The following ASAP1 variants were observed in gnomAD, a reference collection of about 807,000 sequenced individuals.
The protein encoded by ASAP1 is ArfGAP with SH3 domain, ankyrin repeat and PH domain 1, also known as arf-GAP with SH3 domain, ANK repeat and PH domain-containing protein 1.
A neutral mutation model predicts 145.2 loss-of-function variants in ASAP1; 43 were observed. The ratio of observed to expected loss-of-function variants is 0.30; its 90% CI spans 0.23 to 0.38. The LOEUF (loss-of-function observed/expected upper bound fraction) is 0.38. Ranked by LOEUF, ASAP1 falls within the 10% of genes least tolerant of loss-of-function variation. The pLI, the probability that ASAP1 is intolerant of heterozygous loss-of-function variation, is 1.00. For missense variants in ASAP1, 1,018 were observed against 1,355.3 expected, an observed-to-expected ratio of 0.75 and a Z score of 3.91; for synonymous variants, 546 against 515.5, an observed-to-expected ratio of 1.06 and a Z score of -0.80.
intron 5 of ASAP1, among the ~76,000 whole-genome samples, chr8:130,203,445 C>A (rs1192827882): frequency 6.6e-6 from 1 of 152,290 alleles, no homozygotes; most frequent in East Asian, 1.9e-4. Context: ...GAAAAAAGCA[C>A]CAGGCTGGGC....
chr8:130,056,780 C>T (rs1233024474), intron 29 of ASAP1, among the ~76,000 whole-genome samples: 1 of 152,224 alleles, frequency 6.6e-6, no homozygotes, highest in Non-Finnish European at 1.5e-5. Flanking sequence ...CTGAGTCCCT[C>T]TTGGCAGGAC....
intron 13 of ASAP1, 29 bp downstream of exon 13, chr8:130,152,707 A>G: frequency 6.4e-7 from 1 of 1,572,586 alleles, no homozygotes; most frequent in Non-Finnish European, 8.7e-7. Context: ...CTGGCCCATG[A>G]GGCAGGGTAA....
chr8:130,396,109 A>C (rs1258336370), intron 2 of ASAP1, among the ~76,000 whole-genome samples: 1 of 152,204 alleles, frequency 6.6e-6, no homozygotes, highest in Non-Finnish European at 1.5e-5. Context: ...GCTTGCACAG[A>C]CCCTGGCACT....
intron 2 of ASAP1, among the ~76,000 whole-genome samples, chr8:130,378,955 T>A (rs1162754458): frequency 6.6e-6 from 1 of 152,164 alleles, no homozygotes; most frequent in African/African-American, 2.4e-5. Flanking sequence ...AAAAATAGAT[T>A]TGGTCTTTGT....
At chr8:130,116,155 A>G (rs1564976874) in intron 22 of ASAP1, among the ~76,000 whole-genome samples, 2 of 152,216 alleles carry the variant, frequency 1.3e-5, no homozygotes, top group South Asian at 4.1e-4. Context: ...AAAAGGCCCA[A>G]CTGGTGGGCC....
At chr8:130,185,916 A>G (rs1470574354) in intron 7 of ASAP1, among the ~76,000 whole-genome samples, 1 of 152,142 alleles carries the variant, frequency 6.6e-6, no homozygotes, top group African/African-American at 2.4e-5. Flanking sequence ...TAAAAAATAT[A>G]AATAAAGTTG....
intron 3 of ASAP1, among the ~76,000 whole-genome samples, chr8:130,287,058 G>A (rs1821659593): frequency 6.6e-6 from 1 of 152,196 alleles, no homozygotes; most frequent in Non-Finnish European, 1.5e-5. Flanking sequence ...GAGAGGAGCA[G>A]TTAGAGCATT....
At chr8:130,395,423 T>C (rs1828481256) in intron 2 of ASAP1, among the ~76,000 whole-genome samples, 1 of 152,180 alleles carries the variant, frequency 6.6e-6, no homozygotes, top group Admixed American at 6.5e-5. Context: ...AGAAGGGCAG[T>C]CCCGCAATCC....
chr8:130,150,308 C>A (rs1352423747), intron 13 of ASAP1, among the ~76,000 whole-genome samples: 1 of 152,042 alleles, frequency 6.6e-6, no homozygotes, highest in East Asian at 1.9e-4. Flanking sequence ...TGTGTTTTGG[C>A]AGGAATAAAA....
chr8:130,211,026 A>C (rs1816546769), intron 5 of ASAP1, among the ~76,000 whole-genome samples: 1 of 152,206 alleles, frequency 6.6e-6, no homozygotes, highest in Non-Finnish European at 1.5e-5. Flanking sequence ...AGTTAAGTGA[A>C]TTGCCAAAGG....
intron 4 of ASAP1, among the ~76,000 whole-genome samples, chr8:130,224,811 C>T (rs768916179): frequency 4.6e-5 from 7 of 152,188 alleles, no homozygotes; most frequent in South Asian, 2.1e-4. Context: ...AGCTCTTACA[C>T]GCTGTTACTT....
chr8:130,107,519 T>A (rs2097539294), intron 24 of ASAP1, among the ~76,000 whole-genome samples: 4 of 26,846 alleles, frequency 1.5e-4, no homozygotes, highest in Non-Finnish European at 2.7e-4. Flanking sequence ...TTAAAAAATG[T>A]ATGTATGTAT....
intron 7 of ASAP1, among the ~76,000 whole-genome samples, chr8:130,185,749 GAAAAAGAAAAAGAAAA>G (rs1438575503): frequency 4.1e-5 from 5 of 121,974 alleles, no homozygotes; most frequent in Admixed American, 1.6e-4. Flanking sequence ...AAAAAAAAAA[GAAAAAGAAAAAGAAAA>G]AAAAAGAAAA....
chr8:130,154,066 G>T (rs1317264993), intron 12 of ASAP1, among the ~76,000 whole-genome samples: 1 of 152,110 alleles, frequency 6.6e-6, no homozygotes, highest in Non-Finnish European at 1.5e-5. Context: ...AGTAACTCAA[G>T]AAGTCTGCCA....
intron 2 of ASAP1, among the ~76,000 whole-genome samples, chr8:130,368,022 G>A (rs749750591): frequency 1.1e-4 from 16 of 152,016 alleles, no homozygotes; most frequent in Non-Finnish European, 1.9e-4. Flanking sequence ...TTTTTCAAGT[G>A]TGAGCATTTG....
intron 2 of ASAP1, among the ~76,000 whole-genome samples, chr8:130,379,572 G>A (rs1198510385): frequency 6.6e-6 from 1 of 152,190 alleles, no homozygotes; most frequent in Non-Finnish European, 1.5e-5. Flanking sequence ...CAGACAGTTA[G>A]GGTCAGAATT....
intron 4 of ASAP1, 102 bp from the exon 5 acceptor site, chr8:130,214,803 A>G (rs1816795419): frequency 3.0e-6 from 3 of 989,332 alleles, no homozygotes; most frequent in Non-Finnish European, 4.4e-6. Flanking sequence ...ATGGAAGCAT[A>G]AACTGTATCA....
At chr8:130,201,993 G>C (rs982069220) in intron 5 of ASAP1, among the ~76,000 whole-genome samples, 2 of 152,124 alleles carry the variant, frequency 1.3e-5, no homozygotes, top group Non-Finnish European at 2.9e-5. Flanking sequence ...CCACGTACTA[G>C]GGTGACATAG....
At chr8:130,343,679 A>G (rs915201253) in intron 3 of ASAP1, among the ~76,000 whole-genome samples, 2 of 152,236 alleles carry the variant, frequency 1.3e-5, no homozygotes, top group Non-Finnish European at 2.9e-5. Flanking sequence ...AGAGCAGAAT[A>G]TGACAGATAT....
Sources: gnomAD v4.1 joint callset for allele counts (sites outside exome capture counted in the v4.1 genomes callset) on GRCh38, gnomAD v4.1.1 for gene constraint, MANE v1.5 for transcripts, NCBI Gene and HGNC (gene_info 2026-07-23, HGNC 2026-07-21) for gene names.